Variants in PCDHGB5 observed in about 807,000 individuals in gnomAD.
The protein encoded by PCDHGB5 is protocadherin gamma-B5.
A neutral mutation model predicts 62.9 loss-of-function variants in PCDHGB5; 48 were observed. The observed-to-expected ratio is 0.76, with a 90% confidence interval of 0.61 to 0.97. The LOEUF is 0.97. Ranked by LOEUF, PCDHGB5 falls within the 50% of genes least tolerant of loss-of-function variation. PCDHGB5 has a pLI of 0.00. For synonymous variants in PCDHGB5, 474 were observed against 511.2 expected (o/e 0.93, Z 0.98); for missense variants, 1,118 against 1,198.6 (o/e 0.93, Z 0.99).
intron 1 of PCDHGB5, among the ~76,000 whole-genome samples, chr5:141,405,811 ACTGT>A (rs56926516): frequency 0.18 from 26,617 of 151,870 alleles, 2,510 homozygotes; most frequent in Admixed American, 0.28. Flanking sequence ...TTTCTCTTTA[ACTGT>A]CTGTACTTAA....
chr5:141,404,596 G>A, intron 1 of PCDHGB5: 1 of 1,614,080 alleles, frequency 6.2e-7, no homozygotes, highest in Non-Finnish European at 8.5e-7. Context: ...ATGTGTCATT[G>A]AGACTGTTTG....
chr5:141,480,837 G>T (rs1435750544), intron 1 of PCDHGB5, among the ~76,000 whole-genome samples: 2 of 152,168 alleles, frequency 1.3e-5, no homozygotes, highest in African/African-American at 4.8e-5. Flanking sequence ...ATAAGATCAG[G>T]AGTTTGAGAC....
chr5:141,421,468 C>A (rs759548375), intron 1 of PCDHGB5: 9 of 1,614,096 alleles, frequency 5.6e-6, no homozygotes, highest in Non-Finnish European at 5.9e-6. Flanking sequence ...TGTGAATCCG[C>A]GAAGCGGCAG....
intron 1 of PCDHGB5, chr5:141,427,102 C>T (rs1363595185): frequency 6.6e-6 from 3 of 457,858 alleles, no homozygotes; most frequent in South Asian, 3.1e-5. Flanking sequence ...GGTGTCAATG[C>T]GGAGATCACC....
At chr5:141,505,305 C>T (rs1363643214) in intron 2 of PCDHGB5, 88 bp from the exon 3 acceptor site, 2 of 1,595,104 alleles carry the variant, frequency 1.3e-6, no homozygotes, top group Admixed American at 1.7e-5. Flanking sequence ...GGTTAGGGTA[C>T]TAGGTTTGGG....
chr5:141,503,713 C>T (rs867005984), intron 2 of PCDHGB5, among the ~76,000 whole-genome samples: 6 of 152,134 alleles, frequency 3.9e-5, no homozygotes, highest in Non-Finnish European at 8.8e-5. Context: ...TCCCCTTCAA[C>T]CCTAGCTTTA....
chr5:141,465,483 A>T (rs1279787337), intron 1 of PCDHGB5, among the ~76,000 whole-genome samples: 1 of 152,236 alleles, frequency 6.6e-6, no homozygotes, highest in Non-Finnish European at 1.5e-5. Flanking sequence ...TCATGAGAGG[A>T]ATGAGCGGGA....
intron 1 of PCDHGB5, chr5:141,423,222 G>A (rs760308436): frequency 1.2e-6 from 2 of 1,613,688 alleles, no homozygotes; most frequent in Non-Finnish European, 1.7e-6. Context: ...CCGTGGCTGT[G>A]GCCGACAGCA....
chr5:141,443,385 T>G (rs2098386152), intron 1 of PCDHGB5, among the ~76,000 whole-genome samples: 2 of 151,940 alleles, frequency 1.3e-5, no homozygotes, highest in African/African-American at 4.8e-5. Flanking sequence ...CTTGGGAGGC[T>G]GAGGTGTGAG....
intron 1 of PCDHGB5, among the ~76,000 whole-genome samples, chr5:141,425,605 A>G (rs1229246680): frequency 6.6e-6 from 1 of 152,230 alleles, no homozygotes; most frequent in Non-Finnish European, 1.5e-5. Context: ...TGCCCTATAT[A>G]GCTTTCAGTG....
chr5:141,417,919 G>C, intron 1 of PCDHGB5: 1 of 1,605,944 alleles, frequency 6.2e-7, no homozygotes, highest in Non-Finnish European at 8.5e-7. Flanking sequence ...TATTTCCTTT[G>C]CTGCTGCCTT....
chr5:141,413,417 T>A (rs777399697), intron 1 of PCDHGB5: 1 of 1,614,086 alleles, frequency 6.2e-7, no homozygotes, highest in Non-Finnish European at 8.5e-7. Context: ...CTTTTCTCTC[T>A]GAACCCGCGC....
At chr5:141,462,596 A>G (rs1260411284) in intron 1 of PCDHGB5, among the ~76,000 whole-genome samples, 5 of 151,922 alleles carry the variant, frequency 3.3e-5, no homozygotes, top group African/African-American at 1.2e-4. Flanking sequence ...TTTCCATTTC[A>G]TATATTGTAT....
intron 1 of PCDHGB5, chr5:141,415,367 CT>C (rs2095859649): frequency 6.2e-7 from 1 of 1,614,118 alleles, no homozygotes; most frequent in African/African-American, 1.3e-5. Flanking sequence ...CTGCTGCAGG[CT>C]TCAGGAGGCG....
chr5:141,480,914 G>A (rs959577133), intron 1 of PCDHGB5, among the ~76,000 whole-genome samples: 18 of 151,978 alleles, frequency 1.2e-4, no homozygotes, highest in South Asian at 4.2e-4. Flanking sequence ...GCATGGTGGC[G>A]CATACCTGTA....
chr5:141,482,529 G>GAAAAAAAA (rs1256461887), intron 1 of PCDHGB5, among the ~76,000 whole-genome samples: 1 of 56,042 alleles, frequency 1.8e-5, no homozygotes, highest in Admixed American at 1.9e-4. Context: ...AGACAGACAT[G>GAAAAAAAA]CAAAAAAAAA....
chr5:141,499,253 T>C (rs1189676230), intron 2 of PCDHGB5, among the ~76,000 whole-genome samples: 1 of 152,030 alleles, frequency 6.6e-6, no homozygotes, highest in Non-Finnish European at 1.5e-5. Context: ...ACAAAGAGTC[T>C]CCATTTGGTC....
chr5:141,462,486 G>A (rs62379193), intron 1 of PCDHGB5, among the ~76,000 whole-genome samples: 5,124 of 152,042 alleles, frequency 0.034, 100 homozygotes, highest in Middle Eastern at 0.088. Flanking sequence ...CGTGGTTGTT[G>A]TATCCTATAA....
chr5:141,419,311 C>T (rs745852942), intron 1 of PCDHGB5: 4 of 1,613,876 alleles, frequency 2.5e-6, no homozygotes, highest in East Asian at 4.5e-5. Context: ...TCGGGCTCAA[C>T]GGCCGTGTCT....
Sources: gnomAD v4.1 joint callset for allele counts (sites outside exome capture counted in the v4.1 genomes callset) on GRCh38, gnomAD v4.1.1 for gene constraint, MANE v1.5 for transcripts, NCBI Gene and HGNC (gene_info 2026-07-23, HGNC 2026-07-21) for gene names.